NXF3: variants seen among roughly 807,000 people sequenced by gnomAD.
NXF3 encodes the protein TAP-like protein 3.
NXF3 carries 34 observed loss-of-function variants against 48.4 expected under a neutral mutation model. The observed-to-expected ratio is 0.70, with a 90% CI of 0.53 to 0.93. The LOEUF (loss-of-function observed/expected upper bound fraction) is 0.93. Among genes scored for constraint, NXF3 ranks in the 40% least tolerant of loss-of-function variants. The pLI, the probability that NXF3 is intolerant of heterozygous loss-of-function variation, is 0.00. For synonymous variants in NXF3, 132 were observed against 145.7 expected (o/e 0.91, Z 0.68); for missense variants, 359 against 406.1 (o/e 0.88, Z 1.00).
Position 103,078,482 on chromosome X carries a change from C to T in NXF3, c.1451+78G>A, listed in dbSNP as rs770100417. ...GTTTTTTACAACATTGAGAACACCC[C>T]GAGGACTGCACCACCACATTCCCAC... On this transcript the variant is annotated intron_variant, in intron 17 of 19. Coordinates refer to ENST00000395065, the MANE Select transcript of NXF3 (RefSeq NM_022052.2). 1.2e-5 allele frequency: 14 copies of T among 1,185,423 alleles called. No homozygotes were observed. The South Asian group carries it at 1.6e-4, about 14-fold the overall frequency.
chrX:103,077,867 C>A (rs1489535126), intron 17 of NXF3, 121 bp from the exon 18 acceptor site: 3 of 845,810 alleles, frequency 3.5e-6, no homozygotes, highest in Non-Finnish European at 5.1e-6. Context: ...TGCCTCCCTC[C>A]TAGCTTTTTG....
chrX:103,083,072 A>T lies in NXF3; in HGVS notation c.623T>A (p.Leu208Gln). ...LKSEKVEQIK[L>Q]AMNQQCDVSQ... ...GACATCACACTGTTGGTTCATGGCC[A>T]GCTGCAGAGTTAGAGATGGGTTTCA... The change falls in exon 7 of 20, where the codon CTG (leucine) becomes CAG (glutamine). Residue 208 changes from leucine to glutamine, a missense_variant and splice_region_variant. Physicochemically the swap from Leu to Gln is moderately radical, Grantham distance 113 (BLOSUM62 -2). Coordinates refer to ENST00000395065, the MANE Select transcript of NXF3 (RefSeq NM_022052.2). 3 of 1,210,433 alleles carry T rather than the reference A, an allele frequency of 2.5e-6. No homozygotes were observed. The highest frequency in any genetic ancestry group is 3.4e-6 in the Non-Finnish European group (3 of 894,324).
Position 103,080,155 on chromosome X carries a change from G to C in NXF3, c.989C>G (p.Thr330Ser). The stretch of plus-strand genomic sequence containing the variant: ...TGGATCCTCTCTTCTCACCTTACAG[G>C]TTGGTAACCTCTTGTGGGCTTCAGT... ...CGTEAHKRLPTCKGSFFGSEM... is the reference protein window; with the variant it reads ...CGTEAHKRLPSCKGSFFGSEM... Residue 330 changes from threonine (T) to serine (S), a missense_variant, in exon 11 of 20, where the codon ACC (threonine) becomes AGC (serine). By Grantham distance (58) the Thr-to-Ser change is moderately conservative. Coordinates refer to ENST00000395065, the MANE Select transcript of NXF3 (RefSeq NM_022052.2). 8.3e-7 allele frequency: 1 copy of C among 1,211,293 alleles called. No individual in the cohort carries two copies. Among genetic ancestry groups the C allele is most frequent in the Non-Finnish European group, 1.1e-6 (1 of 895,277 alleles).
chrX:103,083,633 G>A lies in NXF3; in HGVS notation c.411C>T (p.Cys137=). ...KWLLNLIQNE[C]SVPFVPVEFH... ...CCTCAACTGGGACGAAGGGTACACT[G>A]CATTCATTCTGAATCAAATTCAGCA... The change falls in exon 4 of 20, where the codon TGC becomes TGT. Residue 137 remains cysteine, a synonymous_variant. Coordinates refer to ENST00000395065, the MANE Select transcript of NXF3 (RefSeq NM_022052.2). 1 of 1,208,926 alleles carries A rather than the reference G, an allele frequency of 8.3e-7. No individual in the cohort carries two copies. Among genetic ancestry groups the A allele is most frequent in the Non-Finnish European group, 1.1e-6 (1 of 893,052 alleles).
chrX:103,092,260 T>A (rs1922297316), intron 1 of NXF3, among the ~76,000 whole-genome samples: 1 of 110,637 alleles, frequency 9.0e-6, no homozygotes, highest in Non-Finnish European at 1.9e-5. Flanking sequence ...GCAATAGGGC[T>A]TATAATTGTA....
At chrX:103,082,632 G>A (rs1309505779) in intron 8 of NXF3, 128 bp downstream of exon 8, 4 of 585,233 alleles carry the variant, frequency 6.8e-6, no homozygotes, top group Admixed American at 5.8e-5. Context: ...AAGGGCAAAA[G>A]CTATGGGGAG....
intron 10 of NXF3, 112 bp downstream of exon 10, chrX:103,080,464 T>C (rs2147591413): frequency 1.2e-6 from 1 of 815,074 alleles, no homozygotes; most frequent in Non-Finnish European, 1.8e-6. Flanking sequence ...TCCCTTGAGG[T>C]TTAAGGGTTA....
intron 18 of NXF3, 46 bp from the exon 19 acceptor site, chrX:103,076,347 A>C: frequency 1.7e-6 from 2 of 1,167,472 alleles, no homozygotes; most frequent in Non-Finnish European, 2.3e-6. Context: ...ACCCAAGTGC[A>C]GACACTCTGA....
At chrX:103,088,540 A>C in intron 1 of NXF3, 8 of 1,098,488 alleles carry the variant, frequency 7.3e-6, no homozygotes, top group Non-Finnish European at 9.9e-6. Flanking sequence ...GTGGCTCATC[A>C]GGTGAGGAAT....
intron 10 of NXF3, 83 bp downstream of exon 10, chrX:103,080,493 G>T: frequency 1.0e-6 from 1 of 961,628 alleles, no homozygotes; most frequent in Non-Finnish European, 1.5e-6. Context: ...AATGTAACTG[G>T]GACAATATCT....
intron 1 of NXF3, chrX:103,087,577 G>T: frequency 1.0e-6 from 1 of 961,747 alleles, no homozygotes; most frequent in Non-Finnish European, 1.5e-6. Flanking sequence ...GTCAACATAT[G>T]GAGTGTATAA....
At chrX:103,077,088 A>G (rs1023819688) in intron 18 of NXF3, among the ~76,000 whole-genome samples, 2 of 110,925 alleles carry the variant, frequency 1.8e-5, no homozygotes, top group Admixed American at 1.9e-4. Context: ...CAAAATAACT[A>G]GGTAGCTGAA....
chrX:103,087,065 C>T (rs748615310), intron 1 of NXF3: 36 of 331,320 alleles, frequency 1.1e-4, no homozygotes, highest in Middle Eastern at 8.8e-4. Flanking sequence ...TTCTTGTTCG[C>T]CTACTTTCGT....
At chrX:103,078,467 A>C in intron 17 of NXF3, 93 bp downstream of exon 17, 8 of 1,165,056 alleles carry the variant, frequency 6.9e-6, no homozygotes, top group Non-Finnish European at 9.4e-6. Context: ...GTTTTTTACA[A>C]CATTGAGAAC....
Position 103,079,610 on chromosome X carries a change from C to T in NXF3, c.1193G>A (p.Arg398Lys), listed in dbSNP as rs367828328. 5.0e-6 allele frequency: 6 copies of T among 1,211,302 alleles called. No homozygotes were observed. Among genetic ancestry groups the T allele is most frequent in the Non-Finnish European group, 6.7e-6 (6 of 895,193 alleles). ...GGGGTCCTTGAGAATTTTTATATTCCTGCTATCCTTGAAGAACTTGCAGAA... is the reference window on the plus strand; with the variant it reads ...GGGGTCCTTGAGAATTTTTATATTCTTGCTATCCTTGAAGAACTTGCAGAA... ...SSFCKFFKDS[R>K]NIKILKDPYL... The change falls in exon 14 of 20, where the codon AGG becomes AAG. Residue 398 changes from arginine to lysine, a missense_variant. Arg to Lys is a conservative substitution (Grantham distance 26). Coordinates refer to ENST00000395065, the MANE Select transcript of NXF3 (RefSeq NM_022052.2).
At chrX:103,089,467 A>G (rs1445769038) in intron 1 of NXF3, among the ~76,000 whole-genome samples, 2 of 112,583 alleles carry the variant, frequency 1.8e-5, no homozygotes, top group Non-Finnish European at 3.8e-5. Context: ...AGCCAAATTA[A>G]TTTTTAGAGG....
At chrX:103,089,367 G>A in intron 1 of NXF3, 1 of 317,468 alleles carries the variant, frequency 3.1e-6, no homozygotes, top group Non-Finnish European at 5.5e-6. Context: ...CAAGAGGCCT[G>A]CATTAAATTG....
At chrX:103,076,877 C>A (rs1196212746) in intron 18 of NXF3, among the ~76,000 whole-genome samples, 1 of 109,938 alleles carries the variant, frequency 9.1e-6, no homozygotes, top group Non-Finnish European at 1.9e-5. Context: ...TACCCTCCCC[C>A]TTACGTGAAA....
At chrX:103,079,294 C>G (rs932923767) in intron 15 of NXF3, 31 bp from the exon 16 acceptor site, 3 of 1,209,656 alleles carry the variant, frequency 2.5e-6, no homozygotes, top group African/African-American at 1.7e-5. Context: ...TGCTCAGGAT[C>G]CCCCTTAACC....
Sources: allele counts gnomAD v4.1 joint callset (sites outside exome capture counted in the v4.1 genomes callset), GRCh38; gene constraint gnomAD v4.1.1; transcripts MANE v1.5; gene names NCBI Gene and HGNC (gene_info 2026-07-23, HGNC 2026-07-21).